Variants in PCDH9 observed in about 807,000 individuals in gnomAD.
PCDH9 encodes protocadherin 9.
A neutral mutation model predicts 70.6 loss-of-function variants in PCDH9; 24 were observed. That is an observed-to-expected ratio of 0.34 (90% CI 0.25 to 0.48). The LOEUF (loss-of-function observed/expected upper bound fraction) is 0.48, where lower values mean the gene tolerates loss of function less well. Ranked by LOEUF, PCDH9 falls within the 20% of genes least tolerant of loss-of-function variation. The pLI is 0.99. For missense variants in PCDH9, 1,281 were observed against 1,503.6 expected (o/e 0.85, Z 2.45); for synonymous variants, 562 against 558.5 (o/e 1.01, Z -0.09).
intron 4 of PCDH9, among the ~76,000 whole-genome samples, chr13:66,608,773 T>C (rs535967288): frequency 6.6e-6 from 1 of 151,942 alleles, no homozygotes; most frequent in South Asian, 2.1e-4. Flanking sequence ...ATAATAATAA[T>C]AAAGAGAGAG....
At chr13:66,963,041 T>C (rs539040509) in intron 2 of PCDH9, among the ~76,000 whole-genome samples, 2 of 152,118 alleles carry the variant, frequency 1.3e-5, no homozygotes, top group Non-Finnish European at 2.9e-5. Flanking sequence ...TAGATTCTCA[T>C]AGGCACACAA....
chr13:66,829,422 T>C (rs1291861445), intron 3 of PCDH9, among the ~76,000 whole-genome samples: 1 of 152,030 alleles, frequency 6.6e-6, no homozygotes, highest in Admixed American at 6.6e-5. Context: ...GACAAAAAAC[T>C]AGTGTTTACT....
At chr13:67,004,680 G>A (rs547768397) in intron 2 of PCDH9, among the ~76,000 whole-genome samples, 1 of 152,156 alleles carries the variant, frequency 6.6e-6, no homozygotes, top group African/African-American at 2.4e-5. Flanking sequence ...GGCTTCCATG[G>A]AGTCCAGGTT....
chr13:66,539,956 A>C (rs552648427), intron 4 of PCDH9, among the ~76,000 whole-genome samples: 1 of 141,876 alleles, frequency 7.0e-6, no homozygotes. Context: ...TGCAGCCTTG[A>C]CTTTCTGGGC....
At chr13:66,333,429 C>T (rs1593813575) in intron 4 of PCDH9, among the ~76,000 whole-genome samples, 1 of 152,166 alleles carries the variant, frequency 6.6e-6, no homozygotes, top group East Asian at 1.9e-4. Flanking sequence ...AATCCAGCCT[C>T]AAGCCGCTGT....
intron 3 of PCDH9, chr13:66,825,130 A>G (rs546103631): frequency 1.3e-5 from 2 of 151,926 alleles, no homozygotes; most frequent in African/African-American, 4.8e-5. Flanking sequence ...AAAAGAGAAA[A>G]GTGGTTCTAG....
chr13:66,805,738 T>C (rs1418162175), intron 3 of PCDH9, among the ~76,000 whole-genome samples: 1 of 152,202 alleles, frequency 6.6e-6, no homozygotes, highest in Non-Finnish European at 1.5e-5. Flanking sequence ...ATCAAGATGA[T>C]ACTATTTCTT....
chr13:66,561,381 T>C (rs1962025159), intron 4 of PCDH9, among the ~76,000 whole-genome samples: 1 of 152,118 alleles, frequency 6.6e-6, no homozygotes, highest in South Asian at 2.1e-4. Flanking sequence ...CCCAGTCCCA[T>C]CCACCACCCA....
At chr13:66,378,808 A>G (rs960491467) in intron 4 of PCDH9, among the ~76,000 whole-genome samples, 3 of 152,320 alleles carry the variant, frequency 2.0e-5, no homozygotes, top group Middle Eastern at 3.4e-3. Flanking sequence ...TGTCTCACTC[A>G]TAGCTAAGAG....
chr13:66,887,405 T>C (rs935021967), intron 3 of PCDH9, among the ~76,000 whole-genome samples: 1 of 152,348 alleles, frequency 6.6e-6, no homozygotes, highest in African/African-American at 2.4e-5. Flanking sequence ...TACGTTCTAT[T>C]TTCTACAGCA....
chr13:66,389,016 A>G (rs982668675), intron 4 of PCDH9, among the ~76,000 whole-genome samples: 1 of 152,144 alleles, frequency 6.6e-6, no homozygotes, highest in Admixed American at 6.5e-5. Flanking sequence ...GTCCAATCTC[A>G]TTTCTTCTGT....
intron 4 of PCDH9, among the ~76,000 whole-genome samples, chr13:66,623,083 A>C (rs1027836808): frequency 2.0e-5 from 3 of 152,192 alleles, no homozygotes; most frequent in Middle Eastern, 3.2e-3. Flanking sequence ...ACATCCGAAC[A>C]TCAGAAAGAA....
chr13:67,209,390 AAG>A (rs1408923007), intron 2 of PCDH9: 5 of 152,154 alleles, frequency 3.3e-5, no homozygotes, highest in Non-Finnish European at 5.9e-5. Flanking sequence ...TATGATTAAA[AAG>A]TGTCTTGCAT....
intron 3 of PCDH9, among the ~76,000 whole-genome samples, chr13:66,769,126 A>C (rs753346225): frequency 9.2e-5 from 14 of 152,162 alleles, no homozygotes; most frequent in African/African-American, 3.4e-4. Flanking sequence ...ATCTTTATTA[A>C]GTCTCAATCA....
intron 2 of PCDH9, among the ~76,000 whole-genome samples, chr13:66,934,059 C>T (rs1000185380): frequency 6.6e-6 from 1 of 152,128 alleles, no homozygotes; most frequent in African/African-American, 2.4e-5. Context: ...ACTCATCACA[C>T]CTACAGCCTG....
intron 2 of PCDH9, among the ~76,000 whole-genome samples, chr13:67,056,257 G>C (rs537706397): frequency 6.6e-6 from 1 of 152,140 alleles, no homozygotes; most frequent in Non-Finnish European, 1.5e-5. Context: ...AGCACTGAAG[G>C]CCTAATTAAC....
chr13:67,046,203 T>C (rs747356056), intron 2 of PCDH9, among the ~76,000 whole-genome samples: 1 of 152,162 alleles, frequency 6.6e-6, no homozygotes, highest in Non-Finnish European at 1.5e-5. Context: ...CCAGCAGTTA[T>C]AAAAATGTTG....
intron 4 of PCDH9, among the ~76,000 whole-genome samples, chr13:66,415,024 G>A (rs928516519): frequency 6.6e-6 from 1 of 152,056 alleles, no homozygotes; most frequent in Non-Finnish European, 1.5e-5. Flanking sequence ...ATGGTGTTAA[G>A]GATCAAAACT....
At chr13:67,105,224 A>G (rs1337216984) in intron 2 of PCDH9, among the ~76,000 whole-genome samples, 1 of 152,220 alleles carries the variant, frequency 6.6e-6, no homozygotes, top group Non-Finnish European at 1.5e-5. Context: ...AAAATATAGA[A>G]GATCGTAATA....
Sources: allele counts gnomAD v4.1 joint callset (sites outside exome capture counted in the v4.1 genomes callset), GRCh38; gene constraint gnomAD v4.1.1; transcripts MANE v1.5; gene names NCBI Gene and HGNC (gene_info 2026-07-23, HGNC 2026-07-21).